CYTH1: variants seen among roughly 807,000 people sequenced by gnomAD.
CYTH1 encodes cytohesin-1.
A neutral mutation model predicts 61.8 loss-of-function variants in CYTH1; 18 were observed. The ratio of observed to expected loss-of-function variants is 0.29; its 90% CI spans 0.20 to 0.43. The LOEUF is 0.43. Among genes scored for constraint, CYTH1 ranks in the 20% least tolerant of loss-of-function variants. The probability of loss-of-function intolerance (pLI) is 1.00; values close to 1 mark genes in which losing one functional copy is unlikely to be tolerated. For synonymous variants in CYTH1, 174 were observed against 184.3 expected, an observed-to-expected ratio of 0.94 and a Z score of 0.45; for missense variants, 336 against 510.5, an observed-to-expected ratio of 0.66 and a Z score of 3.29.
At chr17:78,726,517 A>T (rs1315637239) in intron 1 of CYTH1, among the ~76,000 whole-genome samples, 1 of 152,186 alleles carries the variant, frequency 6.6e-6, no homozygotes, top group African/African-American at 2.4e-5. Context: ...GGCAGCCCGT[A>T]AATGCCAAAT....
chr17:78,698,149 G>A lies in CYTH1; in HGVS notation c.811+120C>T, dbSNP rs146040011. 1.2e-4 allele frequency: 100 copies of A among 822,008 alleles called. 1 individual carries two copies. Among genetic ancestry groups the A allele is most frequent in the African/African-American group, 1.0e-3 (60 of 57,374 alleles). The allele number at this position is 822,008 out of a possible 1,614,324, so 50.9% of individuals were successfully genotyped here. On this transcript the variant is annotated intron_variant, in intron 9 of 13. Coordinates refer to ENST00000446868, the MANE Select transcript of CYTH1 (RefSeq NM_004762.6). ...CATGCGCGTGCACACACACGCACGC[G>A]CACACATGCACACGCACAAACACGC...
intron 9 of CYTH1, 134 bp downstream of exon 9, chr17:78,698,133 GCA>G (rs1204035558): frequency 1.7e-5 from 13 of 746,564 alleles, no homozygotes; most frequent in South Asian, 6.1e-5. Context: ...GCATGCGCGT[GCA>G]CACACACGCA....
intron 3 of CYTH1, among the ~76,000 whole-genome samples, chr17:78,704,420 A>T (rs1473816952): frequency 6.6e-6 from 1 of 152,224 alleles, no homozygotes; most frequent in East Asian, 1.9e-4. Flanking sequence ...CTCGGAAATA[A>T]AATCATAAAA....
At chr17:78,768,473 G>A (rs888171953) in intron 1 of CYTH1, among the ~76,000 whole-genome samples, 1 of 152,130 alleles carries the variant, frequency 6.6e-6, no homozygotes, top group African/African-American at 2.4e-5. Flanking sequence ...GTCCAAAACC[G>A]AAGTCCTATT....
chr17:78,757,908 C>T (rs2093408207), intron 1 of CYTH1, among the ~76,000 whole-genome samples: 1 of 150,112 alleles, frequency 6.7e-6, no homozygotes, highest in South Asian at 2.1e-4. Context: ...CAAGACTCTG[C>T]CTCAAAAAAA....
intron 1 of CYTH1, among the ~76,000 whole-genome samples, chr17:78,722,537 C>A (rs1027109691): frequency 6.6e-6 from 1 of 152,174 alleles, no homozygotes; most frequent in Non-Finnish European, 1.5e-5. Context: ...TGCCACTCCC[C>A]GTGCCTGCCA....
chr17:78,700,323 G>A lies in CYTH1; in HGVS notation c.550+8C>T, dbSNP rs1190626315. On this transcript the variant is annotated splice_region_variant and intron_variant, in intron 7 of 13. Coordinates refer to ENST00000446868, the MANE Select transcript of CYTH1 (RefSeq NM_004762.6). This position sits in a 1 kb window ranked among gnomAD's most constrained non-coding sequence, Gnocchi z 5.1. ...CCATCATAAACTAGGATGAATGATC[G>A]TATTTACCCGTGGACTGGAACACGC... is the stretch of plus-strand genomic sequence containing the variant. 6.9e-6 allele frequency: 11 copies of A among 1,600,356 alleles called. No homozygotes were observed. The highest frequency in any genetic ancestry group is 6.8e-5 in the East Asian group (3 of 44,344).
intron 11 of CYTH1, among the ~76,000 whole-genome samples, chr17:78,681,672 G>A (rs1360249049): frequency 6.6e-6 from 1 of 152,074 alleles, no homozygotes; most frequent in East Asian, 1.9e-4. Flanking sequence ...CCTGACGGCA[G>A]TTTCACAGTC....
chr17:78,697,995 G>C (rs2092959445), intron 9 of CYTH1, among the ~76,000 whole-genome samples: 2 of 152,208 alleles, frequency 1.3e-5, no homozygotes, highest in Non-Finnish European at 1.5e-5. Context: ...CAATGACTAT[G>C]AAGTCACTTC....
At position 78,733,076 on chromosome 17, in the gene CYTH1, C is replaced by CA. The variant is rs56020680; in HGVS notation, c.23-23345dup. Among the ~76,000 whole-genome samples the CA allele has an allele frequency of 4.0e-3, 193 of 47,724 alleles. 21 individuals are homozygous for CA. Among genetic ancestry groups the CA allele is most frequent in the African/African-American group, 9.1e-3 (94 of 10,380 alleles). The allele number at this position is 47,724 out of a possible 152,430, so 31.3% of individuals were successfully genotyped here. ...CTGGCAACAGAGTGAGACTCCATCT[C>CA]AAAAAAAAAAAAAAAAAAAAAAAAA... On this transcript the variant is annotated intron_variant, in intron 1 of 13. Coordinates refer to ENST00000446868, the MANE Select transcript of CYTH1 (RefSeq NM_004762.6).
intron 1 of CYTH1, among the ~76,000 whole-genome samples, chr17:78,747,660 A>T (rs1164886018): frequency 6.6e-6 from 1 of 152,056 alleles, no homozygotes; most frequent in Non-Finnish European, 1.5e-5. Context: ...GCCTTGTGTG[A>T]CTGGTTTCTT....
intron 3 of CYTH1, among the ~76,000 whole-genome samples, chr17:78,706,438 G>C (rs1005916384): frequency 6.6e-6 from 1 of 152,172 alleles, no homozygotes; most frequent in South Asian, 2.1e-4. Flanking sequence ...CACAATGTTC[G>C]TGAGATTCAT....
intron 1 of CYTH1, among the ~76,000 whole-genome samples, chr17:78,768,147 C>A (rs772731806): frequency 7.9e-5 from 12 of 152,102 alleles, no homozygotes; most frequent in Non-Finnish European, 1.6e-4. Flanking sequence ...CAGAAAAATA[C>A]AAAAAGCTCT....
chr17:78,696,173 C>T (rs2092936204), intron 9 of CYTH1, among the ~76,000 whole-genome samples, 164 bp from the exon 10 acceptor site: 1 of 152,204 alleles, frequency 6.6e-6, no homozygotes, highest in African/African-American at 2.4e-5. Flanking sequence ...ACTAAAAACA[C>T]TCAACGGGCA....
intron 1 of CYTH1, among the ~76,000 whole-genome samples, chr17:78,754,786 C>T (rs1044874788): frequency 1.1e-4 from 17 of 152,196 alleles, no homozygotes; most frequent in Middle Eastern, 3.4e-3. Context: ...TCTTTAACTG[C>T]TTTGCATATT....
chr17:78,705,645 A>G (rs2093057694), intron 3 of CYTH1, among the ~76,000 whole-genome samples: 2 of 152,178 alleles, frequency 1.3e-5, no homozygotes, highest in Non-Finnish European at 2.9e-5. Context: ...CTTGAGAAAC[A>G]AATGCAGGGT....
At chr17:78,728,569 C>T (rs1189104692) in intron 1 of CYTH1, among the ~76,000 whole-genome samples, 3 of 151,806 alleles carry the variant, frequency 2.0e-5, no homozygotes, top group Non-Finnish European at 2.9e-5. Context: ...AAATTATTTA[C>T]ATTACCAACA....
intron 1 of CYTH1, among the ~76,000 whole-genome samples, chr17:78,715,010 C>T (rs921441022): frequency 7.9e-5 from 12 of 152,112 alleles, no homozygotes; most frequent in Middle Eastern, 3.2e-3. Flanking sequence ...AAAGTTGGGG[C>T]ATTCCTGTAG....
At chr17:78,725,249 T>A (rs1385901244) in intron 1 of CYTH1, among the ~76,000 whole-genome samples, 1 of 152,184 alleles carries the variant, frequency 6.6e-6, no homozygotes, top group African/African-American at 2.4e-5. Flanking sequence ...CCAGCCATGC[T>A]CCCTGCTCAG....
Sources: gnomAD v4.1 joint callset for allele counts (sites outside exome capture counted in the v4.1 genomes callset) on GRCh38, gnomAD v4.1.1 for gene constraint, Gnocchi (gnomAD v3.1) non-coding constraint, MANE v1.5 for transcripts, NCBI Gene and HGNC (gene_info 2026-07-23, HGNC 2026-07-21) for gene names.